Variants in EVX2 observed in about 807,000 individuals in gnomAD.
The protein encoded by EVX2 is homeobox even-skipped homolog protein 2.
Under a neutral mutation model 19.2 loss-of-function variants are expected in EVX2, and 10 were observed. The observed-to-expected ratio is 0.52, with a 90% CI of 0.32 to 0.89. The LOEUF (loss-of-function observed/expected upper bound fraction) is 0.89, where lower values mean the gene tolerates loss of function less well. EVX2 is among the 40% of genes least tolerant of loss of function. The probability of loss-of-function intolerance (pLI) is 0.03; values close to 1 mark genes in which losing one functional copy is unlikely to be tolerated. For synonymous variants in EVX2, 354 were observed against 328.4 expected, an observed-to-expected ratio of 1.08 and a Z score of -0.84; for missense variants, 710 against 694.9, an observed-to-expected ratio of 1.02 and a Z score of -0.24.
At position 176,077,733 on chromosome 2, in the gene EVX2, T is replaced by G. The variant is rs1028561793; in HGVS notation, c.*2374A>C. On this transcript the variant is annotated 3_prime_UTR_variant, in exon 3 of 3. Coordinates refer to ENST00000308618, the MANE Select transcript of EVX2 (RefSeq NM_001080458.2). Reference sequence around the variant, plus strand: ...ATATTTTTTGGGGGAAATGTAAACATTACTGCCTAAAGTACCTTATATACA... The same window carrying G: ...ATATTTTTTGGGGGAAATGTAAACAGTACTGCCTAAAGTACCTTATATACA... 1 of 152,156 alleles carries G rather than the reference T, an allele frequency of 6.6e-6. No individual in the cohort carries two copies. Among genetic ancestry groups the G allele is most frequent in the Admixed American group, 6.5e-5 (1 of 15,280 alleles). 9.4% of individuals were successfully genotyped at this position (152,156 alleles called of 1,614,324 possible).
chr2:176,080,524 G>A lies in EVX2; in HGVS notation c.1014C>T (p.Phe338=). 1 of 1,483,446 alleles carries A rather than the reference G, an allele frequency of 6.7e-7. No individual in the cohort carries two copies. The highest frequency in any genetic ancestry group is 8.8e-7 in the Non-Finnish European group (1 of 1,131,802). 91.9% of individuals were successfully genotyped at this position (1,483,446 alleles called of 1,614,324 possible). Residue 338 remains phenylalanine (F), a synonymous_variant, in exon 3 of 3, where the codon TTC becomes TTT. Transcript: ENST00000308618. This position sits in a 1 kb window ranked among gnomAD's most constrained non-coding sequence, Gnocchi z 7.0. ...PYSRPELLCS[F]RHPGLYQAPA... is the part of the protein sequence containing the mutation. Reference sequence around the variant, plus strand: ...GAGCCTGGTAGAGACCAGGGTGGCGGAAGCTACACAGCAGCTCCGGCCGAG... The same window carrying A: ...GAGCCTGGTAGAGACCAGGGTGGCGAAAGCTACACAGCAGCTCCGGCCGAG...
Position 176,082,271 on chromosome 2 carries a change from G to C in EVX2, c.606C>G (p.Arg202=). 1 of 1,602,810 alleles carries C rather than the reference G, an allele frequency of 6.2e-7. No homozygotes were observed. Among genetic ancestry groups the C allele is most frequent in the Non-Finnish European group, 8.5e-7 (1 of 1,178,978 alleles). ...TCTCCCGGTAGAACTCCTTCTCCAG[G>C]CGCGCGATCTGCTCGCGGGTGAACG... is the stretch of plus-strand genomic sequence containing the variant. The part of the protein sequence containing the change: ...RTAFTREQIA[R]LEKEFYRENY... Residue 202 remains arginine, a synonymous_variant, in exon 2 of 3, where the codon CGC becomes CGG. Transcript: ENST00000308618. The surrounding 1 kb of genome is among the most constrained non-coding windows in gnomAD (Gnocchi z 5.2).
rs1689150826 is a variant in EVX2 at position 176,081,917 on chromosome 2, G to A, written c.699+261C>T. 6.6e-6 allele frequency among the ~76,000 whole-genome samples: 1 copy of A among 152,234 alleles called. No homozygotes were observed. Among genetic ancestry groups the A allele is most frequent in the Non-Finnish European group, 1.5e-5 (1 of 68,048 alleles). ...TATGGGCGAGGGGGCATCTGGCCAG[G>A]CGTTGGGCACAATGGAGCAGGGGCG... On this transcript the variant is annotated intron_variant, in intron 2 of 2. Coordinates refer to ENST00000308618, the MANE Select transcript of EVX2 (RefSeq NM_001080458.2). This position sits in a 1 kb window ranked among gnomAD's most constrained non-coding sequence, Gnocchi z 5.9.
Position 176,083,841 on chromosome 2 carries a change from G to T in EVX2, c.-65C>A. ...CGTCCTAATGATAGGCTGCGCCTAG[G>T]GCTAATTCTCATTCAGCCCCAGCGA... On this transcript the variant is annotated 5_prime_UTR_variant, in exon 1 of 3. Transcript: ENST00000308618. This position sits in a 1 kb window ranked among gnomAD's most constrained non-coding sequence, Gnocchi z 4.4. 7 of 1,380,002 alleles carry T rather than the reference G, an allele frequency of 5.1e-6. 1 individual carries two copies. In the South Asian group the frequency reaches 5.1e-5, roughly 10 times the overall value. The allele number at this position is 1,380,002 out of a possible 1,614,324, so 85.5% of individuals were successfully genotyped here.
Position 176,077,569 on chromosome 2 carries a change from T to C in EVX2, c.*2538A>G, listed in dbSNP as rs1689075163. The C allele has an allele frequency of 6.6e-6, 1 of 152,212 alleles. No homozygotes were observed. The highest frequency in any genetic ancestry group is 2.4e-5 in the African/African-American group (1 of 41,468). The allele number at this position is 152,212 out of a possible 1,614,324, so 9.4% of individuals were successfully genotyped here. On this transcript the variant is annotated 3_prime_UTR_variant, in exon 3 of 3. Coordinates refer to ENST00000308618, the MANE Select transcript of EVX2 (RefSeq NM_001080458.2). ...TGCACATTTGTAAAATATCTTACAG[T>C]GAGTTCATACATCCAGCAATATTTA...
chr2:176,078,667 C>T lies in EVX2; in HGVS notation c.*1440G>A, dbSNP rs145786577. 1.3e-5 allele frequency: 2 copies of T among 152,300 alleles called. No homozygotes were observed. Among genetic ancestry groups the T allele is most frequent in the East Asian group, 1.9e-4 (1 of 5,192 alleles). 9.4% of individuals were successfully genotyped at this position (152,300 alleles called of 1,614,324 possible). A position where few individuals can be genotyped will look rare whatever the true frequency, so the allele number is the denominator to read the frequency against. The stretch of plus-strand genomic sequence containing the variant: ...AACATTAAATAACATACATTCTATG[C>T]ACCAAGAACAATGTTTTATGTACCG... On this transcript the variant is annotated 3_prime_UTR_variant, in exon 3 of 3. Coordinates refer to ENST00000308618, the MANE Select transcript of EVX2 (RefSeq NM_001080458.2).
Position 176,083,571 on chromosome 2 carries a change from C to T in EVX2, c.206G>A (p.Gly69Asp). 1.2e-6 allele frequency: 2 copies of T among 1,614,164 alleles called. No homozygotes were observed. Among genetic ancestry groups the T allele is most frequent in the East Asian group, 2.2e-5 (1 of 44,876 alleles). Residue 69 changes from glycine (G) to aspartate (D), a missense_variant, in exon 1 of 3, where the codon GGC (glycine) becomes GAC (aspartate). Transcript: ENST00000308618. The surrounding 1 kb of genome is among the most constrained non-coding windows in gnomAD (Gnocchi z 4.4). ...HSALGELPAKGKFEIDTLFNL... is the reference protein window; with the variant it reads ...HSALGELPAKDKFEIDTLFNL... ...GAACAAAGTGTCTATTTCGAATTTGCCCTTGGCGGGGAGTTCTCCCAGAGC... is the reference window on the plus strand; with the variant it reads ...GAACAAAGTGTCTATTTCGAATTTGTCCTTGGCGGGGAGTTCTCCCAGAGC...
Position 176,080,359 on chromosome 2 carries a change from G to T in EVX2, c.1179C>A (p.His393Gln). ...CGGCTGCCGCCGCCGACTGACTGCT[G>T]TGGCAACTGAGGCACGAGCAGGGTG... Reference protein sequence around the residue: ...GSAPCSCLSCHSSQSAAAAAA... With the variant: ...GSAPCSCLSCQSSQSAAAAAA... Residue 393 changes from histidine (H) to glutamine (Q), a missense_variant, in exon 3 of 3, where the codon CAC (histidine) becomes CAA (glutamine). Physicochemically the swap from His to Gln is conservative, Grantham distance 24. Transcript: ENST00000308618. This position sits in a 1 kb window ranked among gnomAD's most constrained non-coding sequence, Gnocchi z 7.0. 1 of 1,244,880 alleles carries T rather than the reference G, an allele frequency of 8.0e-7. No homozygotes were observed. Among genetic ancestry groups the T allele is most frequent in the Non-Finnish European group, 1.0e-6 (1 of 979,152 alleles). 77.1% of individuals were successfully genotyped at this position (1,244,880 alleles called of 1,614,324 possible). A position where few individuals can be genotyped will look rare whatever the true frequency, so the allele number is the denominator to read the frequency against.
rs1215310527 is a variant in EVX2, at chr2:176,083,730, A to G, written c.47T>C (p.Leu16Pro). 6.2e-7 allele frequency: 1 copy of G among 1,613,748 alleles called. No homozygotes were observed. The highest frequency in any genetic ancestry group is 2.2e-5 in the East Asian group (1 of 44,866). Residue 16 changes from leucine (L) to proline (P), a missense_variant, in exon 1 of 3, where the codon CTG becomes CCG. By Grantham distance (98) the Leu-to-Pro change is moderately conservative. Transcript: ENST00000308618. This position sits in a 1 kb window ranked among gnomAD's most constrained non-coding sequence, Gnocchi z 4.4. The part of the protein sequence containing the change: ...RKEMILMERG[L>P]HSPTAGKRFS... ...TCTCTTGCCCGCCGTAGGGCTGTGC[A>G]GCCCTCTCTCCATCAGAATCATCTC... is the stretch of plus-strand genomic sequence containing the variant.
rs2105370574 is a variant in EVX2 at position 176,079,713 on chromosome 2, C to T, written c.*394G>A. On this transcript the variant is annotated 3_prime_UTR_variant, in exon 3 of 3. Coordinates refer to ENST00000308618, the MANE Select transcript of EVX2 (RefSeq NM_001080458.2). The surrounding 1 kb of genome is among the most constrained non-coding windows in gnomAD (Gnocchi z 4.4). ...CCCCCTCTGTCTTTGTTGTGGTTCTCCGTTGCTTCGGGCCACGCCGTTCAG... is the reference window on the plus strand; with the variant it reads ...CCCCCTCTGTCTTTGTTGTGGTTCTTCGTTGCTTCGGGCCACGCCGTTCAG... 6.1e-6 allele frequency: 1 copy of T among 163,540 alleles called. No homozygotes were observed. Among genetic ancestry groups the T allele is most frequent in the Admixed American group, 6.4e-5 (1 of 15,550 alleles). 10.1% of individuals were successfully genotyped at this position (163,540 alleles called of 1,614,324 possible). A position where few individuals can be genotyped will look rare whatever the true frequency, so the allele number is the denominator to read the frequency against.
At position 176,080,459 on chromosome 2, in the gene EVX2, G is replaced by A. The variant is rs1435365083; in HGVS notation, c.1079C>T (p.Ala360Val). ...AGCCGCTGCGGCTGCCGCGGCTGCC[G>A]CGGCAGAGGCCGCGCTGTTGAGCCC... ...AAGLNSAASAAAAAAAAAAAA... is the reference protein window; with the variant it reads ...AAGLNSAASAVAAAAAAAAAA... The change falls in exon 3 of 3, where the codon GCG becomes GTG. Residue 360 changes from alanine (A) to valine (V), a missense_variant. Coordinates refer to ENST00000308618, the MANE Select transcript of EVX2 (RefSeq NM_001080458.2). This position sits in a 1 kb window ranked among gnomAD's most constrained non-coding sequence, Gnocchi z 7.0. 1 of 1,199,472 alleles carries A rather than the reference G, an allele frequency of 8.3e-7. No homozygotes were observed. The highest frequency in any genetic ancestry group is 1.0e-6 in the Non-Finnish European group (1 of 968,032). 74.3% of individuals were successfully genotyped at this position (1,199,472 alleles called of 1,614,324 possible).
Position 176,080,453 on chromosome 2 carries a change from G to A in EVX2, c.1085C>T (p.Ala362Val), listed in dbSNP as rs1689125984. The part of the protein sequence containing the change: ...GLNSAASAAA[A>V]AAAAAAAASS... Reference sequence around the variant, plus strand: ...GGCCGCAGCCGCTGCGGCTGCCGCGGCTGCCGCGGCAGAGGCCGCGCTGTT... The same window carrying A: ...GGCCGCAGCCGCTGCGGCTGCCGCGACTGCCGCGGCAGAGGCCGCGCTGTT... Residue 362 changes from alanine to valine, a missense_variant, in exon 3 of 3, where the codon GCC becomes GTC. Coordinates refer to ENST00000308618, the MANE Select transcript of EVX2 (RefSeq NM_001080458.2). The surrounding 1 kb of genome is among the most constrained non-coding windows in gnomAD (Gnocchi z 7.0). The A allele has an allele frequency of 2.5e-6, 3 of 1,194,668 alleles. No homozygotes were observed. Among genetic ancestry groups the A allele is most frequent in the African/African-American group, 1.6e-5 (1 of 62,040 alleles). 74.0% of individuals were successfully genotyped at this position (1,194,668 alleles called of 1,614,324 possible).
chr2:176,079,967 C>T lies in EVX2; in HGVS notation c.*140G>A. The T allele has an allele frequency of 1.1e-6, 1 of 919,532 alleles. No individual in the cohort carries two copies. Among genetic ancestry groups the T allele is most frequent in the Non-Finnish European group, 1.5e-6 (1 of 686,928 alleles). The allele number at this position is 919,532 out of a possible 1,614,324, so 57.0% of individuals were successfully genotyped here. A position where few individuals can be genotyped will look rare whatever the true frequency, so the allele number is the denominator to read the frequency against. ...TTCTCCCCCAATTCGGAGCAGGTTC[C>T]CTTCGGCCTCCCGCGCCCCGGGGCG... On this transcript the variant is annotated 3_prime_UTR_variant, in exon 3 of 3. Coordinates refer to ENST00000308618, the MANE Select transcript of EVX2 (RefSeq NM_001080458.2). The surrounding 1 kb of genome is among the most constrained non-coding windows in gnomAD (Gnocchi z 4.4).
chr2:176,079,605 TG>T lies in EVX2; in HGVS notation c.*501del, dbSNP rs556378507. The T allele has an allele frequency of 9.1e-4, 140 of 153,544 alleles. No homozygotes were observed. The highest frequency in any genetic ancestry group is 1.7e-3 in the Non-Finnish European group (120 of 69,208). 9.5% of individuals were successfully genotyped at this position (153,544 alleles called of 1,614,324 possible). A position where few individuals can be genotyped will look rare whatever the true frequency, so the allele number is the denominator to read the frequency against. On this transcript the variant is annotated 3_prime_UTR_variant, in exon 3 of 3. Transcript: ENST00000308618. The surrounding 1 kb of genome is among the most constrained non-coding windows in gnomAD (Gnocchi z 4.4). ...CGTTTGCCACCTCCCCCACCCTCGT[TG>T]AAAGAAAAGGAAGAAAAACAGCAGC...
At position 176,083,734 on chromosome 2, in the gene EVX2, C is replaced by G. The variant is rs1484266798; in HGVS notation, c.43G>C (p.Gly15Arg). 1.9e-6 allele frequency: 3 copies of G among 1,613,650 alleles called. No individual in the cohort carries two copies. The highest frequency in any genetic ancestry group is 2.5e-6 in the Non-Finnish European group (3 of 1,179,966). The change falls in exon 1 of 3, where the codon GGG becomes CGG. Residue 15 changes from glycine (G) to arginine (R), a missense_variant. Coordinates refer to ENST00000308618, the MANE Select transcript of EVX2 (RefSeq NM_001080458.2). The surrounding 1 kb of genome is among the most constrained non-coding windows in gnomAD (Gnocchi z 4.4). The part of the protein sequence containing the change: ...IRKEMILMER[G>R]LHSPTAGKRF... Reference sequence around the variant, plus strand: ...TTGCCCGCCGTAGGGCTGTGCAGCCCTCTCTCCATCAGAATCATCTCTTTT... The same window carrying G: ...TTGCCCGCCGTAGGGCTGTGCAGCCGTCTCTCCATCAGAATCATCTCTTTT...
In EVX2 at chr2:176,083,449, C is replaced by T. The variant is rs775266360; in HGVS notation, c.328G>A (p.Ala110Thr). ...KKPGHYSEAA[A>T]EADMSSDVEV... ...ACGTCGCTGCTCATGTCGGCCTCAGCGGCCGCCTCTGAATAATGGCCCGGC... is the reference window on the plus strand; with the variant it reads ...ACGTCGCTGCTCATGTCGGCCTCAGTGGCCGCCTCTGAATAATGGCCCGGC... Residue 110 changes from alanine (A) to threonine (T), a missense_variant, in exon 1 of 3, where the codon GCT becomes ACT. Physicochemically the swap from Ala to Thr is moderately conservative, Grantham distance 58. Coordinates refer to ENST00000308618, the MANE Select transcript of EVX2 (RefSeq NM_001080458.2). The surrounding 1 kb of genome is among the most constrained non-coding windows in gnomAD (Gnocchi z 4.4). 1.2e-6 allele frequency: 2 copies of T among 1,614,032 alleles called. No homozygotes were observed. The highest frequency in any genetic ancestry group is 2.2e-5 in the East Asian group (1 of 44,856).
rs975828920 is a variant in EVX2 at position 176,077,774 on chromosome 2, T to C, written c.*2333A>G. The C allele has an allele frequency of 2.6e-5, 4 of 152,314 alleles. No homozygotes were observed. Among genetic ancestry groups the C allele is most frequent in the Non-Finnish European group, 4.4e-5 (3 of 68,016 alleles). 9.4% of individuals were successfully genotyped at this position (152,314 alleles called of 1,614,324 possible). ...CTTATATACATCTGTTAGCTGATCATAACAAAGGACTTTAACAATCTAAAT... is the reference window on the plus strand; with the variant it reads ...CTTATATACATCTGTTAGCTGATCACAACAAAGGACTTTAACAATCTAAAT... On this transcript the variant is annotated 3_prime_UTR_variant, in exon 3 of 3. Transcript: ENST00000308618.
chr2:176,083,226 C>G lies in EVX2; in HGVS notation c.427+124G>C, dbSNP rs1481829995. On this transcript the variant is annotated intron_variant, in intron 1 of 2. Transcript: ENST00000308618. This position sits in a 1 kb window ranked among gnomAD's most constrained non-coding sequence, Gnocchi z 4.4. ...GACATGCGTCCCGCCCCCGCCCGTG[C>G]TAGCTCGGTGTAGCTTGCCTGTGGA... 6 of 1,029,338 alleles carry G rather than the reference C, an allele frequency of 5.8e-6. No individual in the cohort carries two copies. The East Asian group carries it at 1.6e-4, about 27-fold the overall frequency. 63.8% of individuals were successfully genotyped at this position (1,029,338 alleles called of 1,614,324 possible). A position where few individuals can be genotyped will look rare whatever the true frequency, so the allele number is the denominator to read the frequency against.
Position 176,082,184 on chromosome 2 carries a change from G to A in EVX2, c.693C>T (p.Thr231=), listed in dbSNP as rs760244682. The change falls in exon 2 of 3, where the codon ACC becomes ACT. Residue 231 remains threonine, a synonymous_variant. Coordinates refer to ENST00000308618, the MANE Select transcript of EVX2 (RefSeq NM_001080458.2). This position sits in a 1 kb window ranked among gnomAD's most constrained non-coding sequence, Gnocchi z 5.2. ...CATGCACTGGAATTGATACCTTGAT[G>A]GTGGTTTCGGGCAGGTTGAGTGCCG... ...LAAALNLPET[T]IKVWFQNRRM... The A allele has an allele frequency of 2.5e-6, 4 of 1,585,250 alleles. No homozygotes were observed. The African/African-American group carries it at 4.1e-5, about 16-fold the overall frequency.
Sources: allele counts gnomAD v4.1 joint callset (sites outside exome capture counted in the v4.1 genomes callset), GRCh38; gene constraint gnomAD v4.1.1; non-coding constraint Gnocchi (gnomAD v3.1); transcripts MANE v1.5; gene names NCBI Gene and HGNC (gene_info 2026-07-23, HGNC 2026-07-21).